Variants in ALK observed in about 807,000 individuals in gnomAD.
ALK encodes ALK tyrosine kinase receptor.
In ALK, 74 loss-of-function variants were observed where a neutral mutation model predicts 163.1. The ratio of observed to expected loss-of-function variants is 0.45; its 90% CI spans 0.38 to 0.55. The LOEUF (loss-of-function observed/expected upper bound fraction) is 0.55. ALK is among the 20% of genes least tolerant of loss of function. ALK has a pLI of 0.00. For synonymous variants in ALK, 960 were observed against 843.2 expected (o/e 1.14, Z -2.40); for missense variants, 2,063 against 2,105.3 (o/e 0.98, Z 0.39).
intron 3 of ALK, among the ~76,000 whole-genome samples, chr2:29,603,374 A>T (rs537627766): frequency 6.6e-6 from 1 of 152,300 alleles, no homozygotes; most frequent in African/African-American, 2.4e-5. Flanking sequence ...ATTTTGGGGT[A>T]AAATACTTGG....
chr2:29,459,605 T>C (rs1264558061), intron 4 of ALK, among the ~76,000 whole-genome samples: 1 of 152,100 alleles, frequency 6.6e-6, no homozygotes, highest in East Asian at 1.9e-4. Context: ...TTTTTCTTCC[T>C]GAATTAAAAA....
intron 3 of ALK, among the ~76,000 whole-genome samples, chr2:29,549,968 C>T (rs35249434): frequency 1.3e-5 from 2 of 152,030 alleles, no homozygotes; most frequent in Non-Finnish European, 2.9e-5. Context: ...TTGCCCTAAG[C>T]CCCTGGATAA....
chr2:29,863,382 G>A (rs1290862900), intron 1 of ALK, among the ~76,000 whole-genome samples: 3 of 152,138 alleles, frequency 2.0e-5, no homozygotes, highest in Non-Finnish European at 2.9e-5. Flanking sequence ...TGTATAAAGT[G>A]GTTAATGTCC....
chr2:29,513,163 C>T (rs557483454), intron 4 of ALK, among the ~76,000 whole-genome samples: 1,606 of 149,684 alleles, frequency 0.011, 31 homozygotes, highest in African/African-American at 0.019. Flanking sequence ...AAAGTTCATA[C>T]GGAACCAAAA....
intron 1 of ALK, among the ~76,000 whole-genome samples, chr2:29,899,894 C>T (rs933088564): frequency 5.3e-5 from 8 of 152,048 alleles, no homozygotes; most frequent in African/African-American, 1.9e-4. Flanking sequence ...TGTTGAGCTA[C>T]TCTGAACGGG....
intron 28 of ALK, 76 bp downstream of exon 28, chr2:29,196,694 T>A (rs1339551406): frequency 9.5e-7 from 1 of 1,054,694 alleles, no homozygotes; most frequent in East Asian, 2.4e-5. Flanking sequence ...TTGACCTATT[T>A]CATATTTCGG....
rs1302907379 is a variant in ALK, at chr2:29,275,481, C to T, written c.1833G>A (p.Met611Ile). The T allele has an allele frequency of 3.1e-6, 5 of 1,614,012 alleles. No individual in the cohort carries two copies. The highest frequency in any genetic ancestry group is 3.4e-6 in the Non-Finnish European group (4 of 1,180,038). Residue 611 changes from methionine to isoleucine, a missense_variant, in exon 10 of 29, where the codon ATG becomes ATA. Physicochemically the swap from Met to Ile is conservative, Grantham distance 10. Transcript: ENST00000389048. ...TGGATCCTTGTCCCCACCATGCGAC[C>T]ATCTGCAGCCAGAACCTGTACACAT... The part of the protein sequence containing the change: ...LDVSDRFWLQ[M>I]VAWWGQGSRA...
chr2:29,788,652 GACTA>G (rs1256620919), intron 1 of ALK, among the ~76,000 whole-genome samples: 2 of 152,178 alleles, frequency 1.3e-5, no homozygotes, highest in East Asian at 1.9e-4. Flanking sequence ...ACCTCAGTAA[GACTA>G]ACTGACTGTC....
intron 1 of ALK, 69 bp from the exon 2 acceptor site, chr2:29,717,766 T>C: frequency 6.2e-7 from 1 of 1,607,406 alleles, no homozygotes; most frequent in Non-Finnish European, 8.5e-7. Context: ...TCACTCAATA[T>C]CAGTCAAAAA....
intron 3 of ALK, among the ~76,000 whole-genome samples, chr2:29,669,919 C>T (rs547355728): frequency 6.6e-6 from 1 of 151,910 alleles, no homozygotes; most frequent in Non-Finnish European, 1.5e-5. Flanking sequence ...CCATATCCCC[C>T]ACATGTTGAA....
chr2:29,834,091 C>T (rs1241523864), intron 1 of ALK, among the ~76,000 whole-genome samples: 2 of 152,162 alleles, frequency 1.3e-5, no homozygotes, highest in Non-Finnish European at 2.9e-5. Flanking sequence ...TTATTAAACT[C>T]ATCCTAAGAC....
intron 1 of ALK, among the ~76,000 whole-genome samples, chr2:29,846,989 G>A (rs1665861189): frequency 6.6e-6 from 1 of 152,170 alleles, no homozygotes; most frequent in Non-Finnish European, 1.5e-5. Context: ...ACGTAAAAAG[G>A]AGCTTGTAAA....
intron 1 of ALK, among the ~76,000 whole-genome samples, chr2:29,768,031 G>A (rs1462050582): frequency 1.3e-5 from 2 of 152,232 alleles, no homozygotes; most frequent in Admixed American, 6.5e-5. Context: ...GTCTTAGTGA[G>A]TCTTCTGGGG....
At position 29,628,694 on chromosome 2, in the gene ALK, C is replaced by A. The variant is rs144842185; in HGVS notation, c.952+66156G>T. Among the ~76,000 whole-genome samples, 282 of 152,318 alleles carry A rather than the reference C, an allele frequency of 1.9e-3. 1 individual carries two copies. Among genetic ancestry groups the A allele is most frequent in the African/African-American group, 6.5e-3 (270 of 41,568 alleles). On this transcript the variant is annotated intron_variant, in intron 3 of 28. Coordinates refer to ENST00000389048, the MANE Select transcript of ALK (RefSeq NM_004304.5). ...GCTACCTTAACAATTAAAACCAAAT[C>A]TCTGGCAGAGATGAGATTGCAAAAA... is the stretch of plus-strand genomic sequence containing the variant.
At chr2:29,397,598 T>A (rs1186883735) in intron 4 of ALK, among the ~76,000 whole-genome samples, 3 of 152,238 alleles carry the variant, frequency 2.0e-5, no homozygotes, top group African/African-American at 7.2e-5. Flanking sequence ...AGACTTCGGA[T>A]GAATGGTATC....
chr2:29,628,834 A>G (rs561126865), intron 3 of ALK, among the ~76,000 whole-genome samples: 49 of 152,358 alleles, frequency 3.2e-4, no homozygotes, highest in African/African-American at 1.2e-3. Flanking sequence ...GAAAAAAAGG[A>G]GAGAGCATAA....
chr2:29,344,332 G>T (rs1160663248), intron 5 of ALK, among the ~76,000 whole-genome samples: 1 of 152,118 alleles, frequency 6.6e-6, no homozygotes, highest in Non-Finnish European at 1.5e-5. Flanking sequence ...ATGACTGCTT[G>T]GACTAACAGC....
chr2:29,679,617 AT>A (rs1361287483), intron 3 of ALK, among the ~76,000 whole-genome samples: 9 of 151,866 alleles, frequency 5.9e-5, no homozygotes, highest in Non-Finnish European at 1.3e-4. Context: ...TCTACTCTCC[AT>A]TTTTGTGCTG....
At chr2:29,673,840 CTCTTT>C (rs1181706100) in intron 3 of ALK, among the ~76,000 whole-genome samples, 1 of 151,204 alleles carries the variant, frequency 6.6e-6, no homozygotes. Flanking sequence ...TGTTTGTATC[CTCTTT>C]TATTTCCTTG....
Sources: allele counts gnomAD v4.1 joint callset (sites outside exome capture counted in the v4.1 genomes callset), GRCh38; gene constraint gnomAD v4.1.1; transcripts MANE v1.5; gene names NCBI Gene and HGNC (gene_info 2026-07-23, HGNC 2026-07-21).